Variants in GRM8 observed in about 807,000 individuals in gnomAD.
GRM8 encodes metabotropic glutamate receptor 8.
In GRM8, 47 loss-of-function variants were observed where a neutral mutation model predicts 87.2. That is an observed-to-expected ratio of 0.54 (90% CI 0.43 to 0.69). The LOEUF (loss-of-function observed/expected upper bound fraction) is 0.69. Ranked by LOEUF, GRM8 falls within the 30% of genes least tolerant of loss-of-function variation. The pLI, the probability that GRM8 is intolerant of heterozygous loss-of-function variation, is 0.00. For synonymous variants in GRM8, 396 were observed against 404.5 expected (o/e 0.98, Z 0.25); for missense variants, 1,019 against 1,139.2 (o/e 0.89, Z 1.52).
intron 3 of GRM8, among the ~76,000 whole-genome samples, chr7:127,077,720 T>A: frequency 6.6e-6 from 1 of 152,338 alleles, no homozygotes; most frequent in East Asian, 1.9e-4. Context: ...ACCCCCTTGG[T>A]AACTCAAGTT....
At chr7:127,200,424 C>G (rs1294870295) in intron 2 of GRM8, among the ~76,000 whole-genome samples, 1 of 152,180 alleles carries the variant, frequency 6.6e-6, no homozygotes. Flanking sequence ...ATCTTTACAT[C>G]ACTTTAAATT....
chr7:126,860,572 T>C (rs1159586681), intron 6 of GRM8, among the ~76,000 whole-genome samples: 2 of 152,114 alleles, frequency 1.3e-5, no homozygotes, highest in Non-Finnish European at 2.9e-5. Context: ...ATTAAAATGG[T>C]TACAGAACAA....
intron 7 of GRM8, among the ~76,000 whole-genome samples, chr7:126,704,456 G>A (rs4728048): frequency 0.059 from 8,930 of 152,190 alleles, 795 homozygotes; most frequent in African/African-American, 0.19. Context: ...TGGGCACCTC[G>A]ATAAAAGAAC....
chr7:126,661,043 G>T (rs1563069001), intron 7 of GRM8, among the ~76,000 whole-genome samples: 1 of 152,104 alleles, frequency 6.6e-6, no homozygotes. Context: ...GGTGGGGATG[G>T]TTAATGGGTT....
intron 8 of GRM8, among the ~76,000 whole-genome samples, chr7:126,555,201 G>A (rs567914961): frequency 1.2e-4 from 18 of 152,292 alleles, no homozygotes; most frequent in Admixed American, 1.2e-3. Context: ...TGTGAATAGG[G>A]GAGAGTAAGG....
chr7:126,486,766 A>G (rs1187565922), intron 9 of GRM8, among the ~76,000 whole-genome samples: 1 of 152,082 alleles, frequency 6.6e-6, no homozygotes, highest in Non-Finnish European at 1.5e-5. Flanking sequence ...ATGTTTAACA[A>G]GGAATACATT....
chr7:127,110,084 C>T (rs931644598), intron 2 of GRM8, among the ~76,000 whole-genome samples: 30 of 152,298 alleles, frequency 2.0e-4, no homozygotes, highest in Non-Finnish European at 1.5e-5. Context: ...ACCCCTCACC[C>T]ACAGCTAAAG....
chr7:126,592,079 A>G (rs1321322898), intron 8 of GRM8, among the ~76,000 whole-genome samples: 1 of 151,616 alleles, frequency 6.6e-6, no homozygotes, highest in African/African-American at 2.4e-5. Context: ...TTAGCAGACC[A>G]ATAATGAATA....
Position 126,946,329 on chromosome 7 carries a change from C to T in GRM8, c.728-41646G>A, listed in dbSNP as rs569855757. 1.2e-4 allele frequency among the ~76,000 whole-genome samples: 18 copies of T among 152,248 alleles called. No homozygotes were observed. The South Asian group carries it at 3.5e-3, about 30-fold the overall frequency. The stretch of plus-strand genomic sequence containing the variant: ...CCAGCTTGAGCAACATAGTGAGACC[C>T]CCCCATCTCTACAAAATATTACAAA... On this transcript the variant is annotated intron_variant, in intron 3 of 10. Transcript: ENST00000339582.
chr7:127,144,121 G>A (rs897915015), intron 2 of GRM8, among the ~76,000 whole-genome samples: 3 of 151,950 alleles, frequency 2.0e-5, no homozygotes, highest in Non-Finnish European at 4.4e-5. Flanking sequence ...ATTGTTTTGA[G>A]GATTAAAAGG....
At position 127,018,711 on chromosome 7, in the gene GRM8, C is replaced by G. The variant is rs560441113; in HGVS notation, c.727+87785G>C. On this transcript the variant is annotated intron_variant, in intron 3 of 10. Transcript: ENST00000339582. ...AAGGATTACCAGGAAGTTTTGCTTTCCCAATGGTAACACAGCCCCTTTCTG... is the reference window on the plus strand; with the variant it reads ...AAGGATTACCAGGAAGTTTTGCTTTGCCAATGGTAACACAGCCCCTTTCTG... Among the ~76,000 whole-genome samples the G allele has an allele frequency of 2.8e-4, 43 of 151,962 alleles. No individual in the cohort carries two copies. In the South Asian group the frequency reaches 4.8e-3, roughly 17 times the overall value.
chr7:126,610,777 A>G (rs1256876856), intron 7 of GRM8, among the ~76,000 whole-genome samples: 1 of 152,236 alleles, frequency 6.6e-6, no homozygotes, highest in Non-Finnish European at 1.5e-5. Flanking sequence ...TAATTAATGG[A>G]CAGATGTCTA....
At chr7:126,484,923 T>C (rs990695713) in intron 9 of GRM8, among the ~76,000 whole-genome samples, 5 of 151,628 alleles carry the variant, frequency 3.3e-5, no homozygotes, top group Non-Finnish European at 5.9e-5. Flanking sequence ...TCGATCTGCA[T>C]GTAAACAAGG....
chr7:126,446,337 C>T lies in GRM8; in HGVS notation c.2466G>A (p.Met822Ile). The change falls in exon 10 of 11, where the codon ATG becomes ATA. Residue 822 changes from methionine (M) to isoleucine (I), a missense_variant. Physicochemically the swap from Met to Ile is conservative, Grantham distance 10. Transcript: ENST00000339582. Reference sequence around the variant, plus strand: ...CCAGAGATACTGAAGCACTTAAACTCATGGAGACAGTAAGTGTTGTTGTCT... The same window carrying T: ...CCAGAGATACTGAAGCACTTAAACTTATGGAGACAGTAAGTGTTGTTGTCT... ...YIQTTTLTVS[M>I]SLSASVSLGM... 6.2e-7 allele frequency: 1 copy of T among 1,609,786 alleles called. No homozygotes were observed. The highest frequency in any genetic ancestry group is 8.5e-7 in the Non-Finnish European group (1 of 1,177,182).
chr7:126,686,233 C>T (rs559605000), intron 7 of GRM8, among the ~76,000 whole-genome samples: 2 of 152,176 alleles, frequency 1.3e-5, no homozygotes, highest in South Asian at 4.1e-4. Flanking sequence ...TTCTATTGCT[C>T]AGTAAAGCTC....
chr7:126,624,436 G>A (rs951536302), intron 7 of GRM8, among the ~76,000 whole-genome samples: 3 of 152,064 alleles, frequency 2.0e-5, no homozygotes, highest in South Asian at 2.1e-4. Context: ...GAGGCTTGTC[G>A]GATCACCATA....
At chr7:127,214,817 T>C (rs1365619969) in intron 2 of GRM8, among the ~76,000 whole-genome samples, 1 of 152,224 alleles carries the variant, frequency 6.6e-6, no homozygotes, top group African/African-American at 2.4e-5. Flanking sequence ...AAACCTTTTT[T>C]TTCCTTTTTG....
chr7:127,045,251 T>C (rs1317778531), intron 3 of GRM8, among the ~76,000 whole-genome samples: 2 of 152,140 alleles, frequency 1.3e-5, no homozygotes, highest in Non-Finnish European at 2.9e-5. Context: ...TATTAAATAA[T>C]GTATAAATAG....
In GRM8 at chr7:127,088,470, A is replaced by T. The variant is rs144481279; in HGVS notation, c.727+18026T>A. Among the ~76,000 whole-genome samples, 10 of 152,294 alleles carry T rather than the reference A, an allele frequency of 6.6e-5. No individual in the cohort carries two copies. In the East Asian group the frequency reaches 1.9e-3, roughly 29 times the overall value. ...TGTTGTCATTTAGATGAAAGCCAAA[A>T]CTATTTCTGATGAATATTATGATGC... On this transcript the variant is annotated intron_variant, in intron 3 of 10. Coordinates refer to ENST00000339582, the MANE Select transcript of GRM8 (RefSeq NM_000845.3).
Sources: gnomAD v4.1 joint callset for allele counts (sites outside exome capture counted in the v4.1 genomes callset) on GRCh38, gnomAD v4.1.1 for gene constraint, MANE v1.5 for transcripts, NCBI Gene and HGNC (gene_info 2026-07-23, HGNC 2026-07-21) for gene names.